Variants in PAK3 observed in about 807,000 individuals in gnomAD.
The protein encoded by PAK3 is serine/threonine-protein kinase PAK 3.
A neutral mutation model predicts 41.0 loss-of-function variants in PAK3; 4 were observed. The observed-to-expected ratio is 0.10, with a 90% confidence interval of 0.05 to 0.22. PAK3 has a LOEUF of 0.22. PAK3 is among the 10% of genes least tolerant of loss of function. PAK3 has a pLI of 1.00. For synonymous variants in PAK3, 146 were observed against 139.6 expected (o/e 1.05, Z -0.32); for missense variants, 205 against 409.9 (o/e 0.50, Z 4.32).
intron 4 of PAK3, among the ~76,000 whole-genome samples, chrX:111,115,210 G>A (rs1362542038): frequency 1.8e-5 from 2 of 112,171 alleles, no homozygotes; most frequent in African/African-American, 6.5e-5. Flanking sequence ...AAAATAATAA[G>A]CATTGAGCCA....
chrX:111,187,843 G>A (rs1003847678), intron 11 of PAK3, among the ~76,000 whole-genome samples: 3 of 109,763 alleles, frequency 2.7e-5, no homozygotes, highest in Non-Finnish European at 3.8e-5. Context: ...AGAGCAGGGA[G>A]TTCCAACCAC....
At chrX:110,979,213 C>T (rs772823075) in intron 1 of PAK3, among the ~76,000 whole-genome samples, 111 of 108,909 alleles carry the variant, frequency 1.0e-3, no homozygotes, top group Non-Finnish European at 2.0e-3. Flanking sequence ...TTTTCTTTAT[C>T]AGTCTTGAAG....
intron 16 of PAK3, among the ~76,000 whole-genome samples, chrX:111,213,559 A>G (rs1396805919): frequency 8.9e-6 from 1 of 112,003 alleles, no homozygotes; most frequent in African/African-American, 3.2e-5. Flanking sequence ...GTGAAAGTAA[A>G]GTGAGAAAAT....
chrX:111,218,601 G>T (rs1277430211), intron 17 of PAK3, among the ~76,000 whole-genome samples: 1 of 111,488 alleles, frequency 9.0e-6, no homozygotes, highest in Non-Finnish European at 1.9e-5. Context: ...TATGGGCAAG[G>T]TCTACAGGAA....
At chrX:110,947,512 G>A (rs773880644) in intron 1 of PAK3, among the ~76,000 whole-genome samples, 1 of 111,401 alleles carries the variant, frequency 9.0e-6, no homozygotes, top group East Asian at 2.8e-4. Flanking sequence ...TGTTAGTAGG[G>A]CACACCTCTC....
At chrX:111,141,692 T>C (rs996171445) in intron 5 of PAK3, among the ~76,000 whole-genome samples, 2 of 112,109 alleles carry the variant, frequency 1.8e-5, no homozygotes, top group African/African-American at 3.2e-5. Context: ...AATATCTTTA[T>C]TGAAAGCTGA....
chrX:111,082,792 A>G (rs767900806), intron 1 of PAK3, among the ~76,000 whole-genome samples: 1 of 111,754 alleles, frequency 8.9e-6, no homozygotes, highest in South Asian at 3.8e-4. Context: ...ACATTTAGCA[A>G]TGTTTTTTAA....
In PAK3 at chrX:111,068,442, G is replaced by C. The variant is rs752664729; in HGVS notation, c.-27-54635G>C. Among the ~76,000 whole-genome samples the C allele has an allele frequency of 1.3e-4, 14 of 111,943 alleles. 1 individual carries two copies. The highest frequency in any genetic ancestry group is 8.5e-4 in the Admixed American group (9 of 10,584). On this transcript the variant is annotated intron_variant, in intron 1 of 14. Transcript: ENST00000425146. The stretch of plus-strand genomic sequence containing the variant: ...AGCCACCTGAGTAGCTGAGATCACA[G>C]GTGTGTGCCACCACGCTGGCTAATT...
At chrX:111,050,635 A>G (rs768798258) in intron 1 of PAK3, among the ~76,000 whole-genome samples, 1 of 111,939 alleles carries the variant, frequency 8.9e-6, no homozygotes, top group South Asian at 3.8e-4. Context: ...AGACCCTCAG[A>G]CTTCTAGGCC....
At position 110,984,451 on chromosome X, in the gene PAK3, T is replaced by C. The variant is rs371618314; in HGVS notation, c.-28+39823T>C. Among the ~76,000 whole-genome samples the C allele has an allele frequency of 8.9e-5, 10 of 111,932 alleles. No homozygotes were observed. In the East Asian group the frequency reaches 1.1e-3, roughly 13 times the overall value. On this transcript the variant is annotated intron_variant, in intron 1 of 14. Coordinates refer to the PAK3 transcript ENST00000425146. ...TTACTTCTCTCTCTACTACCCATTG[T>C]TCCCACAGGCTGAAGTCCCATCCCT... is the stretch of plus-strand genomic sequence containing the variant.
intron 5 of PAK3, among the ~76,000 whole-genome samples, chrX:111,127,441 A>G (rs2093662753): frequency 9.0e-6 from 1 of 110,813 alleles, no homozygotes; most frequent in South Asian, 3.8e-4. Flanking sequence ...AGACAGGTAG[A>G]AGAAAAAAAA....
intron 4 of PAK3, among the ~76,000 whole-genome samples, chrX:111,107,263 C>G (rs1375281080): frequency 8.9e-6 from 1 of 111,973 alleles, no homozygotes; most frequent in Non-Finnish European, 1.9e-5. Flanking sequence ...AACCCTGGAA[C>G]ATGGCACTCA....
At chrX:111,191,944 G>A (rs1217264657) in intron 11 of PAK3, among the ~76,000 whole-genome samples, 183 bp from the exon 12 acceptor site, 2 of 110,837 alleles carry the variant, frequency 1.8e-5, no homozygotes, top group Non-Finnish European at 3.8e-5. Flanking sequence ...TGTTAAGAGG[G>A]TAGATCGCCT....
chrX:111,161,769 T>C (rs2149189667), intron 8 of PAK3, among the ~76,000 whole-genome samples: 1 of 111,321 alleles, frequency 9.0e-6, no homozygotes, highest in African/African-American at 3.3e-5. Context: ...AAAGATCAGA[T>C]GGTTGTAGAT....
intron 7 of PAK3, among the ~76,000 whole-genome samples, chrX:111,150,554 A>G (rs1478164237): frequency 8.9e-6 from 1 of 111,894 alleles, no homozygotes; most frequent in Non-Finnish European, 1.9e-5. Context: ...CGCAGCAGCA[A>G]CAGAAAATGA....
At chrX:111,009,702 G>T (rs2091985158) in intron 1 of PAK3, among the ~76,000 whole-genome samples, 1 of 112,197 alleles carries the variant, frequency 8.9e-6, no homozygotes, top group African/African-American at 3.2e-5. Context: ...GTACCTATCG[G>T]CAAGAGCCAC....
chrX:111,029,224 T>C (rs748955683), intron 1 of PAK3, among the ~76,000 whole-genome samples: 5 of 111,918 alleles, frequency 4.5e-5, no homozygotes, highest in Non-Finnish European at 9.4e-5. Context: ...CTATAGGCAA[T>C]GATAAAACTC....
At chrX:111,166,340 G>T (rs1172354250) in intron 10 of PAK3, among the ~76,000 whole-genome samples, 1 of 111,714 alleles carries the variant, frequency 9.0e-6, no homozygotes, top group Non-Finnish European at 1.9e-5. Context: ...GTCTGGCTCT[G>T]TTACCCAGGC....
At chrX:111,141,450 A>T (rs748593206) in intron 5 of PAK3, among the ~76,000 whole-genome samples, 108 of 111,986 alleles carry the variant, frequency 9.6e-4, no homozygotes, top group African/African-American at 3.1e-3. Context: ...AACTAAATAA[A>T]ATTAATTCAG....
Sources: gnomAD v4.1 joint callset for allele counts (sites outside exome capture counted in the v4.1 genomes callset) on GRCh38, gnomAD v4.1.1 for gene constraint, MANE v1.5 for transcripts, NCBI Gene and HGNC (gene_info 2026-07-23, HGNC 2026-07-21) for gene names.